The following SUGP2 variants were observed in gnomAD, a reference collection of about 807,000 sequenced individuals.
SUGP2 encodes SURP and G-patch domain-containing protein 2.
Under a neutral mutation model 90.5 loss-of-function variants are expected in SUGP2, and 24 were observed. That is an observed-to-expected ratio of 0.27 (90% CI 0.19 to 0.37). The LOEUF (loss-of-function observed/expected upper bound fraction) is 0.37, where lower values mean the gene tolerates loss of function less well. Among genes scored for constraint, SUGP2 ranks in the 10% least tolerant of loss-of-function variants. The probability of loss-of-function intolerance (pLI) is 1.00; values close to 1 mark genes in which losing one functional copy is unlikely to be tolerated. For missense variants in SUGP2, 1,233 were observed against 1,363.3 expected, an observed-to-expected ratio of 0.90 and a Z score of 1.51; for synonymous variants, 473 against 513.4, an observed-to-expected ratio of 0.92 and a Z score of 1.06.
intron 1 of SUGP2, among the ~76,000 whole-genome samples, chr19:19,031,351 T>C (rs1001483721): frequency 5.9e-5 from 9 of 152,144 alleles, no homozygotes; most frequent in African/African-American, 1.7e-4. Context: ...CTGGCCAACA[T>C]GGCAAAACCC....
rs938099223 is a variant in SUGP2, at chr19:18,991,362, C to T, written c.*2379G>A. The T allele has an allele frequency of 2.0e-5, 3 of 152,430 alleles. No individual in the cohort carries two copies. The highest frequency in any genetic ancestry group is 2.9e-5 in the Non-Finnish European group (2 of 68,164). 9.4% of individuals were successfully genotyped at this position (152,430 alleles called of 1,614,324 possible). ...CACCATGCTCTGCTGGCTCCCGACA[C>T]CTTCACTGCCCCAGCGCTGAATCCA... On this transcript the variant is annotated 3_prime_UTR_variant, in exon 11 of 11. Coordinates refer to ENST00000452918, the MANE Select transcript of SUGP2 (RefSeq NM_001017392.5).
At chr19:19,020,084 GGTCA>G (rs963695050) in intron 3 of SUGP2, among the ~76,000 whole-genome samples, 1 of 148,422 alleles carries the variant, frequency 6.7e-6, no homozygotes, top group African/African-American at 2.5e-5. Context: ...TAAATAAAAA[GGTCA>G]GTGATCCCAA....
At chr19:19,032,100 T>C (rs1183144822) in intron 1 of SUGP2, among the ~76,000 whole-genome samples, 1 of 151,268 alleles carries the variant, frequency 6.6e-6, no homozygotes, top group Admixed American at 6.6e-5. Context: ...CATAACAGAG[T>C]AGGAAGGGTG....
Position 19,025,211 on chromosome 19 carries a change from A to G in SUGP2, c.1137T>C (p.Asp379=), listed in dbSNP as rs2058873548. 1 of 1,612,578 alleles carries G rather than the reference A, an allele frequency of 6.2e-7. No individual in the cohort carries two copies. ...AAAATTTGATAGTAAAAAAGCAAAA[A>G]TCTCTGTGCTCTGGTTTTAAGGAAC... ...FKCSLKPEHR[D]FCFFTIKFLK... Residue 379 remains aspartate, a synonymous_variant, in exon 3 of 11, where the codon GAT becomes GAC. Transcript: ENST00000452918.
chr19:19,001,537 C>T, intron 8 of SUGP2, 76 bp downstream of exon 8: 1 of 1,415,882 alleles, frequency 7.1e-7, no homozygotes, highest in South Asian at 1.2e-5. Flanking sequence ...TAATCACAAG[C>T]TGCAGCATCC....
intron 2 of SUGP2, among the ~76,000 whole-genome samples, chr19:19,028,933 C>T (rs2059036297): frequency 6.6e-6 from 1 of 152,174 alleles, no homozygotes. Context: ...GTGATCTGCC[C>T]ACCTTGGCCT....
chr19:18,999,990 C>T (rs1356381110), intron 8 of SUGP2, among the ~76,000 whole-genome samples: 1 of 152,234 alleles, frequency 6.6e-6, no homozygotes, highest in African/African-American at 2.4e-5. Context: ...CTTCTCATTG[C>T]TCCTCATGCC....
Position 18,995,149 on chromosome 19 carries a change from G to A in SUGP2, c.3123C>T (p.Val1041=). 6.2e-7 allele frequency: 1 copy of A among 1,612,660 alleles called. No individual in the cohort carries two copies. The highest frequency in any genetic ancestry group is 8.5e-7 in the Non-Finnish European group (1 of 1,179,810). The change falls in exon 9 of 11, where the codon GTC becomes GTT. Residue 1041 remains valine, a synonymous_variant. Coordinates refer to ENST00000452918, the MANE Select transcript of SUGP2 (RefSeq NM_001017392.5). The stretch of plus-strand genomic sequence containing the variant: ...CCAGGCTGCCTGCTGCGTACACGCT[G>A]ACCGGCTCCCTGATGCCCTTTCCGA... ...GSLGKGIREP[V]SVGTPSEGEG...
chr19:19,025,076 A>C lies in SUGP2; in HGVS notation c.1272T>G (p.Pro424=). ...GAAGTCTCATTATGTACTTGTCAAAAGGCTTTATGATTTCAAAAAAGCAAT... is the reference window on the plus strand; with the variant it reads ...GAAGTCTCATTATGTACTTGTCAAACGGCTTTATGATTTCAAAAAAGCAAT... ...TKNCFFEIIK[P]FDKYIMRLQD... is the part of the protein sequence containing the mutation. Residue 424 remains proline, a synonymous_variant, in exon 3 of 11, where the codon CCT becomes CCG. Transcript: ENST00000452918. 1 of 1,614,210 alleles carries C rather than the reference A, an allele frequency of 6.2e-7. No individual in the cohort carries two copies. Among genetic ancestry groups the C allele is most frequent in the South Asian group, 1.1e-5 (1 of 91,074 alleles).
At chr19:19,013,219 T>C (rs2058370162) in intron 4 of SUGP2, among the ~76,000 whole-genome samples, 1 of 152,264 alleles carries the variant, frequency 6.6e-6, no homozygotes, top group Admixed American at 6.5e-5. Context: ...CAAAGCTATG[T>C]AGTGCAGGCA....
Position 19,033,467 on chromosome 19 carries a change from G to A in SUGP2, c.-42C>T, listed in dbSNP as rs549071840. 6.4e-6 allele frequency: 9 copies of A among 1,400,400 alleles called. No homozygotes were observed. Among genetic ancestry groups the A allele is most frequent in the Non-Finnish European group, 6.5e-6 (7 of 1,076,616 alleles). The allele number at this position is 1,400,400 out of a possible 1,614,324, so 86.7% of individuals were successfully genotyped here. A position where few individuals can be genotyped will look rare whatever the true frequency, so the allele number is the denominator to read the frequency against. ...GACCACCGCGCGCGGAGCCACCCCC[G>A]CCGCCGCCTCAGGCTCCTCACCCGC... is the stretch of plus-strand genomic sequence containing the variant. On this transcript the variant is annotated 5_prime_UTR_variant, in exon 1 of 11. Coordinates refer to ENST00000452918, the MANE Select transcript of SUGP2 (RefSeq NM_001017392.5).
At chr19:18,999,299 A>G (rs2057737774) in intron 8 of SUGP2, among the ~76,000 whole-genome samples, 1 of 152,050 alleles carries the variant, frequency 6.6e-6, no homozygotes, top group Non-Finnish European at 1.5e-5. Flanking sequence ...GGACAGGTGC[A>G]GAGCCCCAAG....
rs2057995463 is a variant in SUGP2, at chr19:19,004,770, GTC to G, written c.2451-126_2451-125del. ...GACAAGGGAAAGAATAACCTGACCA[GTC>G]TCTACGCGGCTATGGCTTGATGGTG... is the stretch of plus-strand genomic sequence containing the variant. On this transcript the variant is annotated intron_variant, in intron 6 of 10. Transcript: ENST00000452918. 3 of 740,340 alleles carry G rather than the reference GTC, an allele frequency of 4.1e-6. No individual in the cohort carries two copies. In the East Asian group the frequency reaches 8.0e-5, roughly 20 times the overall value. 45.9% of individuals were successfully genotyped at this position (740,340 alleles called of 1,614,324 possible).
rs28475392 is a variant in SUGP2 at position 19,030,887 on chromosome 19, C to T, written c.121+64G>A. ...ATTTGCCCAAGGTATTGTAATCTTC[C>T]TGCCTTGGCCCTAAGATACACCCCT... is the stretch of plus-strand genomic sequence containing the variant. On this transcript the variant is annotated intron_variant, in intron 2 of 10. Transcript: ENST00000452918. 3.8e-3 allele frequency: 5,851 copies of T among 1,522,220 alleles called. 183 individuals carry two copies. The African/African-American group carries it at 0.071, about 19-fold the overall frequency. The allele number at this position is 1,522,220 out of a possible 1,614,324, so 94.3% of individuals were successfully genotyped here.
Position 19,030,938 on chromosome 19 carries a change from C to A in SUGP2, c.121+13G>T. The A allele has an allele frequency of 1.9e-6, 3 of 1,606,198 alleles. No individual in the cohort carries two copies. The highest frequency in any genetic ancestry group is 2.5e-6 in the Non-Finnish European group (3 of 1,177,290). Reference sequence around the variant, plus strand: ...ACCAAAACAACAACTACAACAACAACACTTTATTTTACCTTGAGCTTTAAA... The same window carrying A: ...ACCAAAACAACAACTACAACAACAAAACTTTATTTTACCTTGAGCTTTAAA... On this transcript the variant is annotated intron_variant, in intron 2 of 10. Coordinates refer to ENST00000452918, the MANE Select transcript of SUGP2 (RefSeq NM_001017392.5).
Position 19,001,638 on chromosome 19 carries a change from C to A in SUGP2, c.2966G>T (p.Arg989Leu). ...CTTCTTTTTGGACATGGGACGACCC[C>A]GAGGCCTGTCATAGGCAATTCGAAC... is the stretch of plus-strand genomic sequence containing the variant. ...EPVRIAYDRPRGRPMSKKKKP... is the reference protein window; with the variant it reads ...EPVRIAYDRPLGRPMSKKKKP... Residue 989 changes from arginine (R) to leucine (L), a missense_variant, in exon 8 of 11, where the codon CGG (arginine) becomes CTG (leucine). Coordinates refer to ENST00000452918, the MANE Select transcript of SUGP2 (RefSeq NM_001017392.5). 1 of 1,614,188 alleles carries A rather than the reference C, an allele frequency of 6.2e-7. No individual in the cohort carries two copies. The highest frequency in any genetic ancestry group is 8.5e-7 in the Non-Finnish European group (1 of 1,180,040).
chr19:19,019,118 G>C lies in SUGP2; in HGVS notation c.1841C>G (p.Pro614Arg), dbSNP rs764665379. The C allele has an allele frequency of 5.6e-6, 9 of 1,613,788 alleles. No individual in the cohort carries two copies. In the East Asian group the frequency reaches 1.8e-4, roughly 32 times the overall value. ...ACATTTAAAGACCTACCAGTAAGCA[G>C]GGTCCTCTTTGAGAAGAGTTCTCTC... ...PKERTLLKED[P>R]AYWFLSDENS... The change falls in exon 4 of 11, where the codon CCT (proline) becomes CGT (arginine). Residue 614 changes from proline to arginine, a missense_variant. By Grantham distance (103) the Pro-to-Arg change is moderately radical. Around this residue, in one of 8 missense-constraint regions of SUGP2, gnomAD observed 540 missense variants for 542.6 expected, o/e 1.00. Transcript: ENST00000452918.
chr19:19,024,479 T>C (rs1250108004), intron 3 of SUGP2, 140 bp downstream of exon 3: 2 of 877,802 alleles, frequency 2.3e-6, no homozygotes, highest in East Asian at 2.5e-5. Flanking sequence ...AGACATATAT[T>C]GGCCAATGTG....
rs1288815631 is a variant in SUGP2, at chr19:19,009,899, A to T, written c.2294T>A (p.Ile765Asn). 1.2e-6 allele frequency: 2 copies of T among 1,613,990 alleles called. No homozygotes were observed. The highest frequency in any genetic ancestry group is 3.3e-5 in the Admixed American group (2 of 60,000). ...AGAAGAGGTCTGAGGTGCTTCAGAG[A>T]TGTCCACTCCTGCTGGCTTGGGGGA... The part of the protein sequence containing the change: ...GPSPKPAGVD[I>N]SEAPQTSSPC... The change falls in exon 5 of 11, where the codon ATC becomes AAC. Residue 765 changes from isoleucine to asparagine, a missense_variant. Physicochemically the swap from Ile to Asn is moderately radical, Grantham distance 149 (BLOSUM62 -3). Coordinates refer to ENST00000452918, the MANE Select transcript of SUGP2 (RefSeq NM_001017392.5).
Sources: gnomAD v4.1 joint callset for allele counts (sites outside exome capture counted in the v4.1 genomes callset) on GRCh38, gnomAD v4.1.1 for gene constraint, gnomAD v4.1.1 regional missense constraint, MANE v1.5 for transcripts, NCBI Gene and HGNC (gene_info 2026-07-23, HGNC 2026-07-21) for gene names.